RALYL: variants seen among roughly 807,000 people sequenced by gnomAD.
RALYL encodes the protein RNA-binding Raly-like protein.
In RALYL, 29 loss-of-function variants were observed where a neutral mutation model predicts 35.1. That is an observed-to-expected ratio of 0.83 (90% CI 0.61 to 1.13). The LOEUF is 1.13. Ranked by LOEUF, RALYL falls within the 50% of genes most tolerant of loss-of-function variation. The pLI is 0.00. For synonymous variants in RALYL, 120 were observed against 127.6 expected (o/e 0.94, Z 0.40); for missense variants, 359 against 360.4 (o/e 1.00, Z 0.03).
At chr8:84,603,912 C>A (rs992772485) in intron 2 of RALYL, among the ~76,000 whole-genome samples, 2 of 151,926 alleles carry the variant, frequency 1.3e-5, no homozygotes, top group East Asian at 1.9e-4. Flanking sequence ...TGCTCTGGAC[C>A]CTTTTATCAG....
At chr8:84,578,221 G>A (rs574078189) in intron 2 of RALYL, among the ~76,000 whole-genome samples, 1 of 152,360 alleles carries the variant, frequency 6.6e-6, no homozygotes, top group East Asian at 1.9e-4. Context: ...GGCACTGAGT[G>A]CAAGCCTGCA....
intron 2 of RALYL, among the ~76,000 whole-genome samples, chr8:84,614,068 A>C (rs1242752185): frequency 1.3e-5 from 2 of 151,500 alleles, no homozygotes; most frequent in Non-Finnish European, 2.9e-5. Flanking sequence ...CTCATCTGTA[A>C]AATGGGATCC....
intron 3 of RALYL, among the ~76,000 whole-genome samples, chr8:84,788,907 G>A (rs1820171361): frequency 6.6e-6 from 1 of 152,350 alleles, no homozygotes; most frequent in Middle Eastern, 3.4e-3. Flanking sequence ...TCAGGAATGT[G>A]TGCTAAAGGC....
chr8:84,494,552 ATTTG>A (rs2055772908), intron 1 of RALYL, among the ~76,000 whole-genome samples: 1 of 151,994 alleles, frequency 6.6e-6, no homozygotes, highest in Non-Finnish European at 1.5e-5. Flanking sequence ...ATGGTTTTCC[ATTTG>A]TTTGTGTCCT....
chr8:84,539,158 T>C (rs1446126457), intron 2 of RALYL, among the ~76,000 whole-genome samples: 1 of 152,170 alleles, frequency 6.6e-6, no homozygotes, highest in African/African-American at 2.4e-5. Context: ...ACTTAGGACA[T>C]GTGGAACTTT....
Position 84,436,158 on chromosome 8 carries a change from TGAA to T in RALYL, c.-23-93135_-23-93133del, listed in dbSNP as rs1452642311. Among the ~76,000 whole-genome samples the T allele has an allele frequency of 5.3e-5, 8 of 152,202 alleles. No homozygotes were observed. The East Asian group carries it at 1.4e-3, about 26-fold the overall frequency. ...TCTGAAGTAGTTGATCTAGGCAATTTGAAGAAGATTAAATATTATTAAATACTC... is the reference window on the plus strand; with the variant it reads ...TCTGAAGTAGTTGATCTAGGCAATTTGAAGATTAAATATTATTAAATACTC... On this transcript the variant is annotated intron_variant, in intron 1 of 8. Coordinates refer to ENST00000521268, the MANE Select transcript of RALYL (RefSeq NM_173848.7).
chr8:84,780,817 A>G (rs1380207599), intron 3 of RALYL, among the ~76,000 whole-genome samples: 1 of 152,186 alleles, frequency 6.6e-6, no homozygotes, highest in East Asian at 1.9e-4. Flanking sequence ...CAAAGAAAAC[A>G]TCTATGATAA....
At chr8:84,522,411 G>A (rs985469728) in intron 1 of RALYL, among the ~76,000 whole-genome samples, 4 of 151,704 alleles carry the variant, frequency 2.6e-5, no homozygotes, top group African/African-American at 4.8e-5. Context: ...CACTACGCCC[G>A]GCTAATTTTT....
At chr8:84,233,522 T>A (rs1338862517) in intron 1 of RALYL, among the ~76,000 whole-genome samples, 2 of 152,182 alleles carry the variant, frequency 1.3e-5, no homozygotes, top group Admixed American at 1.3e-4. Context: ...TTGGAATTAA[T>A]CCTTGCCTTT....
At chr8:84,596,354 A>C (rs1814533959) in intron 2 of RALYL, among the ~76,000 whole-genome samples, 1 of 152,100 alleles carries the variant, frequency 6.6e-6, no homozygotes, top group Admixed American at 6.6e-5. Context: ...TTTGAAAACC[A>C]TATCCCTCTT....
At chr8:84,344,839 C>A (rs997050670) in intron 1 of RALYL, among the ~76,000 whole-genome samples, 1 of 151,996 alleles carries the variant, frequency 6.6e-6, no homozygotes, top group Non-Finnish European at 1.5e-5. Flanking sequence ...ATAATGTCTT[C>A]CAGGTTCATT....
At chr8:84,425,410 G>T (rs911622205) in intron 1 of RALYL, among the ~76,000 whole-genome samples, 1 of 152,086 alleles carries the variant, frequency 6.6e-6, no homozygotes, top group Non-Finnish European at 1.5e-5. Context: ...GCTTCGGCTC[G>T]CGCACGGTGC....
At chr8:84,335,622 G>A (rs777288824) in intron 1 of RALYL, among the ~76,000 whole-genome samples, 14 of 149,440 alleles carry the variant, frequency 9.4e-5, no homozygotes, top group African/African-American at 3.0e-4. Context: ...CTCCACTCCC[G>A]CAAGAAGATC....
At chr8:84,221,066 T>C (rs2131304684) in intron 1 of RALYL, among the ~76,000 whole-genome samples, 1 of 152,134 alleles carries the variant, frequency 6.6e-6, no homozygotes, top group Non-Finnish European at 1.5e-5. Context: ...TATGGTTGAC[T>C]GTAAAAGAAC....
intron 1 of RALYL, among the ~76,000 whole-genome samples, chr8:84,500,989 T>A (rs2056592303): frequency 6.6e-6 from 1 of 152,188 alleles, no homozygotes; most frequent in South Asian, 2.1e-4. Flanking sequence ...CTCTCAAACT[T>A]GATCAGATCA....
In RALYL at chr8:84,873,423, G is replaced by A. The variant is rs1840582548; in HGVS notation, c.685+26G>A. Reference sequence around the variant, plus strand: ...GTAAGTGATCTCTGATCACAGACAGGTCAGAATTGAACCAGTGAAACGTTG... The same window carrying A: ...GTAAGTGATCTCTGATCACAGACAGATCAGAATTGAACCAGTGAAACGTTG... On this transcript the variant is annotated intron_variant, in intron 7 of 8. Transcript: ENST00000521268. 5 of 1,375,722 alleles carry A rather than the reference G, an allele frequency of 3.6e-6. No homozygotes were observed. The East Asian group carries it at 1.2e-4, about 33-fold the overall frequency. 85.2% of individuals were successfully genotyped at this position (1,375,722 alleles called of 1,614,324 possible).
At chr8:84,302,069 A>C (rs1840899075) in intron 1 of RALYL, among the ~76,000 whole-genome samples, 1 of 152,184 alleles carries the variant, frequency 6.6e-6, no homozygotes, top group Admixed American at 6.5e-5. Context: ...AACCAATGCA[A>C]TAATAGTTGA....
chr8:84,238,017 A>AAAG (rs34223467), intron 1 of RALYL, among the ~76,000 whole-genome samples: 70,477 of 151,374 alleles, frequency 0.47, 16,775 homozygotes, highest in Non-Finnish European at 0.52. Flanking sequence ...ACAAAAGAAA[A>AAAG]AAAACACTAA....
At chr8:84,362,236 G>C (rs1340146690) in intron 1 of RALYL, among the ~76,000 whole-genome samples, 5 of 152,088 alleles carry the variant, frequency 3.3e-5, no homozygotes, top group African/African-American at 9.7e-5. Flanking sequence ...CCTTACCATG[G>C]TTAAACTATC....
Sources: allele counts gnomAD v4.1 joint callset (sites outside exome capture counted in the v4.1 genomes callset), GRCh38; gene constraint gnomAD v4.1.1; transcripts MANE v1.5; gene names NCBI Gene and HGNC (gene_info 2026-07-23, HGNC 2026-07-21).